Variants in WDR35 observed in about 807,000 individuals in gnomAD.
WDR35 encodes WD repeat-containing protein 35.
Under a neutral mutation model 158.3 loss-of-function variants are expected in WDR35, and 118 were observed. That is an observed-to-expected ratio of 0.75 (90% CI 0.64 to 0.87). The LOEUF (loss-of-function observed/expected upper bound fraction) is 0.87. WDR35 is among the 40% of genes least tolerant of loss of function. The pLI is 0.00. For synonymous variants in WDR35, 448 were observed against 476.1 expected, an observed-to-expected ratio of 0.94 and a Z score of 0.77; for missense variants, 1,263 against 1,405.8, an observed-to-expected ratio of 0.90 and a Z score of 1.62.
chr2:19,918,854 C>A (rs369905632), intron 25 of WDR35, among the ~76,000 whole-genome samples: 26 of 152,122 alleles, frequency 1.7e-4, no homozygotes, highest in Admixed American at 5.9e-4. Flanking sequence ...AGAAAATTAA[C>A]AAGGATATGC....
chr2:19,978,166 G>C (rs1395989841), intron 5 of WDR35, among the ~76,000 whole-genome samples: 1 of 151,220 alleles, frequency 6.6e-6, no homozygotes, highest in African/African-American at 2.4e-5. Context: ...AACATTTGTT[G>C]ACTACATGAA....
chr2:19,937,594 T>C (rs1670737580), intron 19 of WDR35, 149 bp downstream of exon 19: 4 of 1,012,088 alleles, frequency 4.0e-6, no homozygotes, highest in South Asian at 2.9e-5. Flanking sequence ...ATGAGAGGCA[T>C]GTAGAATATC....
chr2:19,948,850 G>C (rs1198262719), intron 13 of WDR35, among the ~76,000 whole-genome samples: 2 of 151,208 alleles, frequency 1.3e-5, no homozygotes, highest in Non-Finnish European at 2.9e-5. Context: ...GGAGGCGGAG[G>C]CTGCAGTGAG....
At chr2:19,931,198 T>C in intron 24 of WDR35, 71 bp downstream of exon 24, 1 of 1,535,316 alleles carries the variant, frequency 6.5e-7, no homozygotes, top group Admixed American at 1.9e-5. Context: ...ATAAAAGAAG[T>C]TTAATAGTTT....
At position 19,978,790 on chromosome 2, in the gene WDR35, C is replaced by A. The variant is rs749680960; in HGVS notation, c.397G>T (p.Val133Leu). The change falls in exon 5 of 27, where the codon GTA becomes TTA. Residue 133 changes from valine (V) to leucine (L), a missense_variant. Val to Leu is a conservative substitution (Grantham distance 32). Transcript: ENST00000281405. ...WNADGQKICI[V>L]YEDGAVIVGS... ...ACTATCACAGCCCCATCTTCATATA[C>A]AATGCAGATCTTCTGTCCGTCAGCA... 3.1e-6 allele frequency: 5 copies of A among 1,613,774 alleles called. No individual in the cohort carries two copies. Among genetic ancestry groups the A allele is most frequent in the Non-Finnish European group, 4.2e-6 (5 of 1,179,858 alleles).
chr2:19,977,945 A>G (rs766384627), intron 5 of WDR35, among the ~76,000 whole-genome samples: 1 of 152,212 alleles, frequency 6.6e-6, no homozygotes, highest in Non-Finnish European at 1.5e-5. Flanking sequence ...ATGCCTCAGC[A>G]TCAGCATCAC....
intron 25 of WDR35, among the ~76,000 whole-genome samples, chr2:19,923,272 C>T (rs749677300): frequency 2.6e-5 from 4 of 152,050 alleles, no homozygotes; most frequent in South Asian, 2.1e-4. Flanking sequence ...TGGCATCCAC[C>T]GTGGGGGCTT....
intron 25 of WDR35, among the ~76,000 whole-genome samples, chr2:19,922,750 TGGG>T (rs1670210073): frequency 6.6e-6 from 1 of 152,142 alleles, no homozygotes; most frequent in South Asian, 2.1e-4. Context: ...TCATGAATGT[TGGG>T]AACAGGCTCC....
Position 19,930,515 on chromosome 2 carries a change from ACTT to A in WDR35, c.2999_3001del (p.Glu1000del), listed in dbSNP as rs746953019. ...TGTGAAACGATCTGTTGTAGACAGA[ACTT>A]CTTCTTCCAGCAAACCAGCCAAGGC... On this transcript the variant is annotated inframe_deletion, in exon 25 of 27. Transcript: ENST00000281405. 2.6e-5 allele frequency: 42 copies of A among 1,614,036 alleles called. No homozygotes were observed. Among genetic ancestry groups the A allele is most frequent in the African/African-American group, 6.7e-5 (5 of 74,922 alleles).
chr2:19,989,110 GAACA>G, intron 2 of WDR35, 51 bp downstream of exon 2: 1 of 1,500,274 alleles, frequency 6.7e-7, no homozygotes, highest in East Asian at 2.3e-5. Flanking sequence ...AGACCGCACT[GAACA>G]AATAACATTA....
chr2:19,940,956 A>C (rs1360785615), intron 17 of WDR35, among the ~76,000 whole-genome samples: 4 of 152,136 alleles, frequency 2.6e-5, no homozygotes, highest in African/African-American at 9.7e-5. Context: ...GGCCCATCCC[A>C]TTGCTGCATG....
intron 25 of WDR35, among the ~76,000 whole-genome samples, chr2:19,915,407 T>C (rs1243026946): frequency 1.3e-5 from 2 of 149,906 alleles, no homozygotes; most frequent in Admixed American, 1.3e-4. Context: ...TTACAGGTCA[T>C]ACATTGTTTC....
intron 9 of WDR35, among the ~76,000 whole-genome samples, chr2:19,967,585 C>T (rs1671898656): frequency 1.3e-5 from 2 of 151,714 alleles, no homozygotes; most frequent in Admixed American, 1.3e-4. Flanking sequence ...AATAAAAATA[C>T]ATAAATTATA....
In WDR35 at chr2:19,945,916, T is replaced by C. The variant is rs1230612572; in HGVS notation, c.1715A>G (p.Gln572Arg). The C allele has an allele frequency of 6.2e-7, 1 of 1,613,898 alleles. No homozygotes were observed. The highest frequency in any genetic ancestry group is 8.5e-7 in the Non-Finnish European group (1 of 1,179,900). The change falls in exon 16 of 27, where the codon CAA becomes CGA. Residue 572 changes from glutamine to arginine, a missense_variant. Transcript: ENST00000281405. ...CAATTTTAACAACTCTCCAACTACT[T>C]GCTGTCCCGTACTGTCCGTTACTCG... ...DARVTDSTGQ[Q>R]VVGELLKLER...
rs760814731 is a variant in WDR35, at chr2:19,931,322, G to A, written c.2911C>T (p.His971Tyr). The stretch of plus-strand genomic sequence containing the variant: ...CGCTGGGCATTCTTCATCTGTTCAT[G>A]GTATTGCTCTATAAGTAAGGCTGAC... ...VLSALLIEQYHEQMKNAQRGK... is the reference protein window; with the variant it reads ...VLSALLIEQYYEQMKNAQRGK... The change falls in exon 24 of 27, where the codon CAT becomes TAT. Residue 971 changes from histidine (H) to tyrosine (Y), a missense_variant. Physicochemically the swap from His to Tyr is moderately conservative, Grantham distance 83 (BLOSUM62 2). Transcript: ENST00000281405. 27 of 1,612,532 alleles carry A rather than the reference G, an allele frequency of 1.7e-5. No individual in the cohort carries two copies. Among genetic ancestry groups the A allele is most frequent in the Non-Finnish European group, 2.2e-5 (26 of 1,179,574 alleles).
At chr2:19,989,320 C>T (rs1672672319) in intron 1 of WDR35, 38 bp from the exon 2 acceptor site, 1 of 1,562,458 alleles carries the variant, frequency 6.4e-7, no homozygotes, top group African/African-American at 1.4e-5. Context: ...CAACTTTTCA[C>T]GAAGGAGCTG....
chr2:19,930,390 G>T lies in WDR35; in HGVS notation c.3121+6C>A, dbSNP rs1670487383. The stretch of plus-strand genomic sequence containing the variant: ...ACATACTATACACATTAGGTGACAT[G>T]CCCACCTGTCTTCAGTGCAGTGTCC... On this transcript the variant is annotated splice_donor_region_variant and intron_variant, in intron 25 of 26. Coordinates refer to ENST00000281405, the MANE Select transcript of WDR35 (RefSeq NM_020779.4). 6.2e-7 allele frequency: 1 copy of T among 1,613,960 alleles called. No individual in the cohort carries two copies. Among genetic ancestry groups the T allele is most frequent in the South Asian group, 1.1e-5 (1 of 91,080 alleles).
intron 9 of WDR35, among the ~76,000 whole-genome samples, chr2:19,968,471 G>C (rs1671929454): frequency 6.6e-6 from 1 of 152,046 alleles, no homozygotes. Context: ...ATCTATATCA[G>C]CATCAACTCT....
At chr2:19,956,726 T>C (rs527529709) in intron 11 of WDR35, among the ~76,000 whole-genome samples, 1 of 150,846 alleles carries the variant, frequency 6.6e-6, no homozygotes, top group East Asian at 2.0e-4. Flanking sequence ...GTTCACGCCA[T>C]TCTCCTGCCT....
Sources: allele counts gnomAD v4.1 joint callset (sites outside exome capture counted in the v4.1 genomes callset), GRCh38; gene constraint gnomAD v4.1.1; transcripts MANE v1.5; gene names NCBI Gene and HGNC (gene_info 2026-07-23, HGNC 2026-07-21).